The following TPBG variants were observed in gnomAD, a reference collection of about 807,000 sequenced individuals.
TPBG encodes trophoblast glycoprotein.
TPBG carries 13 observed loss-of-function variants against 19.3 expected under a neutral mutation model. That is an observed-to-expected ratio of 0.67 (90% CI 0.44 to 1.07). The LOEUF (loss-of-function observed/expected upper bound fraction) is 1.07, where lower values mean the gene tolerates loss of function less well. TPBG is among the 50% of genes least tolerant of loss of function. The pLI is 0.00. For synonymous variants in TPBG, 338 were observed against 259.8 expected, an observed-to-expected ratio of 1.30 and a Z score of -2.89; for missense variants, 642 against 559.6, an observed-to-expected ratio of 1.15 and a Z score of -1.49.
rs144387805 is a variant in TPBG, at chr6:82,366,110, G to C, written c.1149G>C (p.Lys383Asn). 1.2e-6 allele frequency: 2 copies of C among 1,614,220 alleles called. No homozygotes were observed. The highest frequency in any genetic ancestry group is 4.5e-5 in the East Asian group (2 of 44,878). Residue 383 changes from lysine to asparagine, a missense_variant, in exon 2 of 2, where the codon AAG (lysine) becomes AAC (asparagine). By Grantham distance (94) the Lys-to-Asn change is moderately conservative (BLOSUM62 0). Coordinates refer to ENST00000369750, the MANE Select transcript of TPBG (RefSeq NM_001376922.1). ...VLYLNRKGIK[K>N]WMHNIRDACR... ...ATTTGAACCGCAAGGGGATAAAAAA[G>C]TGGATGCATAACATCAGAGATGCCT...
Position 82,366,302 on chromosome 6 carries a change from C to T in TPBG, c.*78C>T, listed in dbSNP as rs965676131. ...CTTTATCCCTACTAGGCTTGCTCCA[C>T]TTTCATCCTCCACTATAGATACAAC... On this transcript the variant is annotated 3_prime_UTR_variant, in exon 2 of 2. Coordinates refer to ENST00000369750, the MANE Select transcript of TPBG (RefSeq NM_001376922.1). 4 of 1,466,570 alleles carry T rather than the reference C, an allele frequency of 2.7e-6. No individual in the cohort carries two copies. The highest frequency in any genetic ancestry group is 2.3e-5 in the East Asian group (1 of 43,214). 90.8% of individuals were successfully genotyped at this position (1,466,570 alleles called of 1,614,324 possible). A position where few individuals can be genotyped will look rare whatever the true frequency, so the allele number is the denominator to read the frequency against.
At position 82,365,670 on chromosome 6, in the gene TPBG, A is replaced by C. The variant is rs1767477740; in HGVS notation, c.709A>C (p.Arg237=). ...TGTGCTGGCCCAACTGCCCAGCCTC[A>C]GGCACCTGGACTTAAGTAATAATTC... is the stretch of plus-strand genomic sequence containing the variant. ...RDVLAQLPSL[R]HLDLSNNSLV... Residue 237 remains arginine, a synonymous_variant, in exon 2 of 2, where the codon AGG becomes CGG. Coordinates refer to ENST00000369750, the MANE Select transcript of TPBG (RefSeq NM_001376922.1). 1 of 1,603,476 alleles carries C rather than the reference A, an allele frequency of 6.2e-7. No individual in the cohort carries two copies. Among genetic ancestry groups the C allele is most frequent in the Non-Finnish European group, 8.5e-7 (1 of 1,174,632 alleles).
chr6:82,365,284 C>A lies in TPBG; in HGVS notation c.323C>A (p.Ala108Asp), dbSNP rs776389052. 5.8e-6 allele frequency: 9 copies of A among 1,550,318 alleles called. No individual in the cohort carries two copies. The highest frequency in any genetic ancestry group is 1.2e-5 in the South Asian group (1 of 83,206). ...LTGNQLAVLP[A>D]GAFARRPPLA... is the part of the protein sequence containing the mutation. ...GGCAACCAGCTGGCCGTGCTCCCTG[C>A]CGGCGCCTTCGCCCGCCGGCCGCCG... Residue 108 changes from alanine to aspartate, a missense_variant, in exon 2 of 2, where the codon GCC becomes GAC. Transcript: ENST00000369750.
At chr6:82,363,783 G>A (rs538331618), upstream of TPBG, 122 of 152,570 alleles carry the variant, frequency 8.0e-4, 5 homozygotes, top group South Asian at 0.023. Flanking sequence ...TTTCCCAGCT[G>A]CGGAGGTTGG....
In TPBG at chr6:82,366,192, T is replaced by A; in HGVS notation, c.1231T>A (p.Leu411Ile). The A allele has an allele frequency of 1.1e-5, 18 of 1,603,008 alleles. No homozygotes were observed. The highest frequency in any genetic ancestry group is 1.5e-5 in the Non-Finnish European group (18 of 1,175,008). Residue 411 changes from leucine to isoleucine, a missense_variant, in exon 2 of 2, where the codon TTA becomes ATA. By Grantham distance (5) the Leu-to-Ile change is conservative. Transcript: ENST00000369750. Reference sequence around the variant, plus strand: ...ATATGAAATCAATGCGGACCCCAGATTAACGAACCTCAGTTCTAACTCGGA... The same window carrying A: ...ATATGAAATCAATGCGGACCCCAGAATAACGAACCTCAGTTCTAACTCGGA... ...YRYEINADPR[L>I]TNLSSNSDV
Position 82,365,660 on chromosome 6 carries a change from G to A in TPBG, c.699G>A (p.Leu233=), listed in dbSNP as rs759537182. The change falls in exon 2 of 2, where the codon CTG becomes CTA. Residue 233 remains leucine, a synonymous_variant. Coordinates refer to ENST00000369750, the MANE Select transcript of TPBG (RefSeq NM_001376922.1). ...LYLPRDVLAQ[L]PSLRHLDLSN... ...TGCCGCGGGATGTGCTGGCCCAACTGCCCAGCCTCAGGCACCTGGACTTAA... is the reference window on the plus strand; with the variant it reads ...TGCCGCGGGATGTGCTGGCCCAACTACCCAGCCTCAGGCACCTGGACTTAA... 2.7e-5 allele frequency: 43 copies of A among 1,604,088 alleles called. No homozygotes were observed. The highest frequency in any genetic ancestry group is 3.6e-5 in the Non-Finnish European group (42 of 1,174,988).
At chr6:82,363,470 G>T (rs557186383), upstream of TPBG, 2 of 152,222 alleles carry the variant, frequency 1.3e-5, no homozygotes, top group Admixed American at 6.5e-5. Flanking sequence ...AATCTATCTC[G>T]TCACTGCCAA....
Position 82,364,843 on chromosome 6 carries a change from A to T in TPBG, c.-119A>T. 1.1e-6 allele frequency: 1 copy of T among 923,656 alleles called. No homozygotes were observed. Among genetic ancestry groups the T allele is most frequent in the Non-Finnish European group, 1.5e-6 (1 of 668,896 alleles). 57.2% of individuals were successfully genotyped at this position (923,656 alleles called of 1,614,324 possible). On this transcript the variant is annotated 5_prime_UTR_variant, in exon 2 of 2. Transcript: ENST00000369750. ...GCTGCGGCGCCACTCCCTCGGTTCC[A>T]CGAGAGGAAAGTTTTTTTTTTCCAG...
chr6:82,365,400 C>G lies in TPBG; in HGVS notation c.439C>G (p.Leu147Val). 1 of 1,602,868 alleles carries G rather than the reference C, an allele frequency of 6.2e-7. No individual in the cohort carries two copies. The highest frequency in any genetic ancestry group is 8.5e-7 in the Non-Finnish European group (1 of 1,176,244). The stretch of plus-strand genomic sequence containing the variant: ...CGAGCATCTGCCCAGCCTGCGCCAG[C>G]TCGACCTCAGCCACAACCCACTGGC... ...AFEHLPSLRQ[L>V]DLSHNPLADL... Residue 147 changes from leucine to valine, a missense_variant, in exon 2 of 2, where the codon CTC (leucine) becomes GTC (valine). By Grantham distance (32) the Leu-to-Val change is conservative. Transcript: ENST00000369750.
rs1767426585 is a variant in TPBG at position 82,364,764 on chromosome 6, G to A, written c.-198G>A. The A allele has an allele frequency of 2.1e-6, 1 of 472,142 alleles. No individual in the cohort carries two copies. Among genetic ancestry groups the A allele is most frequent in the Non-Finnish European group, 3.6e-6 (1 of 274,904 alleles). 29.2% of individuals were successfully genotyped at this position (472,142 alleles called of 1,614,324 possible). A position where few individuals can be genotyped will look rare whatever the true frequency, so the allele number is the denominator to read the frequency against. The stretch of plus-strand genomic sequence containing the variant: ...CGTACTTTCTGGAGGGAAGGGGCGG[G>A]GGAATCGGCCCCTGAGGGAAGCGCC... On this transcript the variant is annotated 5_prime_UTR_variant, in exon 2 of 2. Transcript: ENST00000369750.
chr6:82,365,445 T>C lies in TPBG; in HGVS notation c.484T>C (p.Phe162Leu). ...NPLADLSPFA[F>L]SGSNASVSAP... The stretch of plus-strand genomic sequence containing the variant: ...ACTGGCCGACCTCAGTCCCTTCGCT[T>C]TCTCGGGCAGCAATGCCAGCGTCTC... Residue 162 changes from phenylalanine to leucine, a missense_variant, in exon 2 of 2, where the codon TTC (phenylalanine) becomes CTC (leucine). Phe to Leu is a conservative substitution (Grantham distance 22). Coordinates refer to ENST00000369750, the MANE Select transcript of TPBG (RefSeq NM_001376922.1). The C allele has an allele frequency of 6.2e-7, 1 of 1,611,192 alleles. No homozygotes were observed.
rs1285772483 is a variant in TPBG at position 82,365,465 on chromosome 6, C to T, written c.504C>T (p.Ser168=). The T allele has an allele frequency of 2.5e-6, 4 of 1,609,794 alleles. No homozygotes were observed. In the South Asian group the frequency reaches 4.4e-5, roughly 18 times the overall value. ...TCGCTTTCTCGGGCAGCAATGCCAG[C>T]GTCTCGGCCCCCAGTCCCCTTGTGG... The part of the protein sequence containing the change: ...SPFAFSGSNA[S]VSAPSPLVEL... The change falls in exon 2 of 2, where the codon AGC becomes AGT. Residue 168 remains serine (S), a synonymous_variant. Transcript: ENST00000369750.
chr6:82,364,755 A>T lies in TPBG; in HGVS notation c.-207A>T. 1 of 462,254 alleles carries T rather than the reference A, an allele frequency of 2.2e-6. No individual in the cohort carries two copies. Among genetic ancestry groups the T allele is most frequent in the Non-Finnish European group, 3.7e-6 (1 of 268,220 alleles). The allele number at this position is 462,254 out of a possible 1,614,324, so 28.6% of individuals were successfully genotyped here. On this transcript the variant is annotated 5_prime_UTR_variant, in exon 2 of 2. Transcript: ENST00000369750. ...CCCGCCGTGCGTACTTTCTGGAGGG[A>T]AGGGGCGGGGGAATCGGCCCCTGAG...
In TPBG at chr6:82,365,931, G is replaced by T; in HGVS notation, c.970G>T (p.Ala324Ser). 6.2e-7 allele frequency: 1 copy of T among 1,614,180 alleles called. No individual in the cohort carries two copies. Among genetic ancestry groups the T allele is most frequent in the Non-Finnish European group, 8.5e-7 (1 of 1,180,030 alleles). Reference protein sequence around the residue: ...VVQGKDRLTCAYPEKMRNRVL... With the variant: ...VVQGKDRLTCSYPEKMRNRVL... ...GCAGGGCAAAGACCGGCTCACCTGT[G>T]CATATCCGGAAAAAATGAGGAATCG... is the stretch of plus-strand genomic sequence containing the variant. Residue 324 changes from alanine to serine, a missense_variant, in exon 2 of 2, where the codon GCA (alanine) becomes TCA (serine). Coordinates refer to ENST00000369750, the MANE Select transcript of TPBG (RefSeq NM_001376922.1).
Position 82,365,858 on chromosome 6 carries a change from C to T in TPBG, c.897C>T (p.Asp299=). 1.2e-6 allele frequency: 2 copies of T among 1,614,160 alleles called. No homozygotes were observed. Among genetic ancestry groups the T allele is most frequent in the South Asian group, 2.2e-5 (2 of 91,086 alleles). The change falls in exon 2 of 2, where the codon GAC becomes GAT. Residue 299 remains aspartate (D), a synonymous_variant. Transcript: ENST00000369750. ...TGGACAACAATCCCTGGGTCTGCGA[C>T]TGCCACATGGCAGACATGGTGACCT... The part of the protein sequence containing the change: ...VFLDNNPWVC[D]CHMADMVTWL...
chr6:82,366,333 TTGACTAAA>T lies in TPBG; in HGVS notation c.*110_*117del. The T allele has an allele frequency of 7.6e-7, 1 of 1,308,314 alleles. No individual in the cohort carries two copies. The highest frequency in any genetic ancestry group is 1.0e-6 in the Non-Finnish European group (1 of 972,624). 81.0% of individuals were successfully genotyped at this position (1,308,314 alleles called of 1,614,324 possible). ...TCCTCCACTATAGATACAACGGACT[TTGACTAAA>T]AGCAGTGAAGGGGATTTGCTTCCTT... is the stretch of plus-strand genomic sequence containing the variant. On this transcript the variant is annotated 3_prime_UTR_variant, in exon 2 of 2. Transcript: ENST00000369750.
At position 82,366,369 on chromosome 6, in the gene TPBG, T is replaced by TTAC. The variant is rs1767504450; in HGVS notation, c.*145_*146insTAC. ...CAGTGAAGGGGATTTGCTTCCTTGTTATGTAAAGTTTCTCGGTGTGTTCTG... is the reference window on the plus strand; with the variant it reads ...CAGTGAAGGGGATTTGCTTCCTTGTTTACATGTAAAGTTTCTCGGTGTGTTCTG... On this transcript the variant is annotated 3_prime_UTR_variant, in exon 2 of 2. Coordinates refer to ENST00000369750, the MANE Select transcript of TPBG (RefSeq NM_001376922.1). The TTAC allele has an allele frequency of 1.1e-6, 1 of 932,616 alleles. No homozygotes were observed. The highest frequency in any genetic ancestry group is 2.1e-5 in the South Asian group (1 of 47,204). The allele number at this position is 932,616 out of a possible 1,614,324, so 57.8% of individuals were successfully genotyped here. A position where few individuals can be genotyped will look rare whatever the true frequency, so the allele number is the denominator to read the frequency against.
Position 82,365,483 on chromosome 6 carries a change from C to G in TPBG, c.522C>G (p.Pro174=). Residue 174 remains proline, a synonymous_variant, in exon 2 of 2, where the codon CCC becomes CCG. Coordinates refer to ENST00000369750, the MANE Select transcript of TPBG (RefSeq NM_001376922.1). ...GSNASVSAPS[P]LVELILNHIV... is the part of the protein sequence containing the mutation. The stretch of plus-strand genomic sequence containing the variant: ...ATGCCAGCGTCTCGGCCCCCAGTCC[C>G]CTTGTGGAACTGATCCTGAACCACA... 6.2e-7 allele frequency: 1 copy of G among 1,605,632 alleles called. No individual in the cohort carries two copies. Among genetic ancestry groups the G allele is most frequent in the Non-Finnish European group, 8.5e-7 (1 of 1,176,530 alleles).
chr6:82,365,480 T>G lies in TPBG; in HGVS notation c.519T>G (p.Ser173Arg). ...SGSNASVSAP[S>R]PLVELILNHI... ...GCAATGCCAGCGTCTCGGCCCCCAG[T>G]CCCCTTGTGGAACTGATCCTGAACC... Residue 173 changes from serine to arginine, a missense_variant, in exon 2 of 2, where the codon AGT (serine) becomes AGG (arginine). Transcript: ENST00000369750. 6.2e-7 allele frequency: 1 copy of G among 1,607,198 alleles called. No homozygotes were observed. The highest frequency in any genetic ancestry group is 8.5e-7 in the Non-Finnish European group (1 of 1,177,136).
Sources: gnomAD v4.1 joint callset for allele counts on GRCh38, gnomAD v4.1.1 for gene constraint, MANE v1.5 for transcripts, NCBI Gene and HGNC (gene_info 2026-07-23, HGNC 2026-07-21) for gene names.